Variants in ANKHD1 observed in about 807,000 individuals in gnomAD.
The protein encoded by ANKHD1 is ankyrin repeat and KH domain containing 1.
A neutral mutation model predicts 230.5 loss-of-function variants in ANKHD1; 31 were observed. That is an observed-to-expected ratio of 0.13 (90% CI 0.10 to 0.18). The LOEUF is 0.18. Ranked by LOEUF, ANKHD1 falls within the 10% of genes least tolerant of loss-of-function variation. The pLI is 1.00. For synonymous variants in ANKHD1, 1,074 were observed against 1,117.6 expected (o/e 0.96, Z 0.78); for missense variants, 2,256 against 3,071.3 (o/e 0.73, Z 6.27).
chr5:140,523,200 AC>A (rs1321135510), intron 24 of ANKHD1, among the ~76,000 whole-genome samples: 2 of 147,988 alleles, frequency 1.4e-5, no homozygotes, highest in Non-Finnish European at 3.0e-5. Context: ...AGAGCCTCAA[AC>A]TCCTGGGCAC....
At chr5:140,536,354 A>ATGGT (rs1754074750) in intron 30 of ANKHD1, among the ~76,000 whole-genome samples, 1 of 152,204 alleles carries the variant, frequency 6.6e-6, no homozygotes, top group Admixed American at 6.5e-5. Flanking sequence ...TCAGCCTCCC[A>ATGGT]AAGTGCTGGG....
chr5:140,418,576 C>T (rs1368252626), intron 1 of ANKHD1, among the ~76,000 whole-genome samples: 1 of 152,210 alleles, frequency 6.6e-6, no homozygotes, highest in East Asian at 1.9e-4. Context: ...CCCCCAGCCC[C>T]TCATAATCAC....
At chr5:140,508,737 C>T (rs934547739) in intron 20 of ANKHD1, among the ~76,000 whole-genome samples, 1 of 151,196 alleles carries the variant, frequency 6.6e-6, no homozygotes, top group African/African-American at 2.4e-5. Context: ...GCCCGTGCAA[C>T]AAGAGAGAAA....
intron 14 of ANKHD1, among the ~76,000 whole-genome samples, chr5:140,488,301 T>C (rs1390739662): frequency 6.6e-6 from 1 of 152,114 alleles, no homozygotes; most frequent in Non-Finnish European, 1.5e-5. Flanking sequence ...ATAAGAATCA[T>C]TGGCCGGGCA....
intron 24 of ANKHD1, among the ~76,000 whole-genome samples, chr5:140,517,433 AG>A (rs1290727289): frequency 1.3e-5 from 2 of 151,574 alleles, no homozygotes; most frequent in East Asian, 3.9e-4. Context: ...CTCTGCACCA[AG>A]CGGACCTAAT....
At chr5:140,428,843 C>T (rs986150047) in intron 1 of ANKHD1, among the ~76,000 whole-genome samples, 9 of 151,800 alleles carry the variant, frequency 5.9e-5, no homozygotes, top group East Asian at 1.9e-4. Flanking sequence ...AGTGCAGTGG[C>T]GCGATCTTGG....
At chr5:140,497,489 G>A (rs1480390532) in intron 15 of ANKHD1, among the ~76,000 whole-genome samples, 1 of 152,120 alleles carries the variant, frequency 6.6e-6, no homozygotes, top group East Asian at 1.9e-4. Flanking sequence ...TTGTCATATT[G>A]CAAAGGCAAA....
intron 1 of ANKHD1, among the ~76,000 whole-genome samples, chr5:140,418,102 A>G (rs1326901632): frequency 6.6e-6 from 1 of 151,010 alleles, no homozygotes; most frequent in African/African-American, 2.4e-5. Flanking sequence ...TCGGCCTCCC[A>G]AAGTGCTGGG....
chr5:140,444,003 A>G (rs1320414892), intron 5 of ANKHD1, among the ~76,000 whole-genome samples: 2 of 151,294 alleles, frequency 1.3e-5, no homozygotes, highest in African/African-American at 2.4e-5. Flanking sequence ...GAAAACCACC[A>G]TGTTGTTCTC....
intron 24 of ANKHD1, among the ~76,000 whole-genome samples, chr5:140,522,722 C>T (rs753807759): frequency 2.0e-5 from 3 of 152,134 alleles, no homozygotes; most frequent in Non-Finnish European, 4.4e-5. Flanking sequence ...CTGTGTTTAA[C>T]TATTTGAAGG....
intron 7 of ANKHD1, among the ~76,000 whole-genome samples, chr5:140,455,140 T>G (rs191642346): frequency 1.2e-3 from 190 of 152,238 alleles, no homozygotes; most frequent in African/African-American, 4.5e-3. Context: ...CCTGGACACA[T>G]ACACTCTTCC....
intron 25 of ANKHD1, among the ~76,000 whole-genome samples, chr5:140,524,779 G>A (rs1465645421): frequency 6.6e-6 from 1 of 151,964 alleles, no homozygotes; most frequent in Admixed American, 6.6e-5. Flanking sequence ...TTATATTGTG[G>A]TTTGGGTTCA....
intron 1 of ANKHD1, among the ~76,000 whole-genome samples, chr5:140,423,349 G>A (rs1772146391): frequency 6.6e-6 from 1 of 151,946 alleles, no homozygotes; most frequent in Admixed American, 6.6e-5. Flanking sequence ...TTCAATGTGT[G>A]GATCATTGCC....
rs968891406 is a variant in ANKHD1, at chr5:140,464,767, G to A, written c.1773G>A (p.Gly591=). 2.5e-6 allele frequency: 4 copies of A among 1,597,894 alleles called. No homozygotes were observed. The highest frequency in any genetic ancestry group is 2.7e-5 in the African/African-American group (2 of 74,586). The change falls in exon 10 of 34, where the codon GGG becomes GGA. Residue 591 remains glycine, a synonymous_variant. Transcript: ENST00000360839. The part of the protein sequence containing the change: ...TDVADVLLQA[G]ADLEHESEGG... Reference sequence around the variant, plus strand: ...TTGCAGATGTTTTACTTCAAGCAGGGGCTGATTTAGTAAGATATTTTTAAT... The same window carrying A: ...TTGCAGATGTTTTACTTCAAGCAGGAGCTGATTTAGTAAGATATTTTTAAT...
At chr5:140,499,504 T>C (rs1231705855) in intron 15 of ANKHD1, among the ~76,000 whole-genome samples, 2 of 152,192 alleles carry the variant, frequency 1.3e-5, no homozygotes, top group Non-Finnish European at 2.9e-5. Context: ...ATGATAACAG[T>C]ACATTTTACT....
chr5:140,466,816 G>A (rs1292523483), intron 10 of ANKHD1, among the ~76,000 whole-genome samples: 2 of 151,782 alleles, frequency 1.3e-5, no homozygotes, highest in Admixed American at 6.6e-5. Context: ...GCATGGTGGC[G>A]GGCCCCTGTA....
At chr5:140,497,613 T>C (rs543095786) in intron 15 of ANKHD1, among the ~76,000 whole-genome samples, 1 of 152,324 alleles carries the variant, frequency 6.6e-6, no homozygotes, top group Admixed American at 6.5e-5. Context: ...TTTAGAAGTA[T>C]TCGTATAAGA....
intron 14 of ANKHD1, among the ~76,000 whole-genome samples, chr5:140,494,083 A>G (rs1328219883): frequency 6.6e-6 from 1 of 152,182 alleles, no homozygotes; most frequent in Non-Finnish European, 1.5e-5. Context: ...CAGTCTTTGT[A>G]GAACTTCTAA....
intron 14 of ANKHD1, 78 bp from the exon 15 acceptor site, chr5:140,496,442 T>TG: frequency 8.8e-7 from 1 of 1,131,912 alleles, no homozygotes; most frequent in South Asian, 2.0e-5. Context: ...AGGCTGGTTT[T>TG]CTTTTTTTTT....
Sources: allele counts gnomAD v4.1 joint callset (sites outside exome capture counted in the v4.1 genomes callset), GRCh38; gene constraint gnomAD v4.1.1; transcripts MANE v1.5; gene names NCBI Gene and HGNC (gene_info 2026-07-23, HGNC 2026-07-21).